NEBL: variants seen among roughly 807,000 people sequenced by gnomAD.
NEBL encodes the protein LIM and SH3 protein 2.
Under a neutral mutation model 140.2 loss-of-function variants are expected in NEBL, and 122 were observed. That is an observed-to-expected ratio of 0.87 (90% CI 0.75 to 1.01). The LOEUF (loss-of-function observed/expected upper bound fraction) is 1.01. Ranked by LOEUF, NEBL falls within the 50% of genes least tolerant of loss-of-function variation. NEBL has a pLI of 0.00. For missense variants in NEBL, 1,365 were observed against 1,231.3 expected (o/e 1.11, Z -1.62); for synonymous variants, 436 against 398.9 (o/e 1.09, Z -1.11).
intron 4 of NEBL, among the ~76,000 whole-genome samples, chr10:20,952,440 GAAAAAAAA>G (rs71390801): frequency 2.9e-5 from 3 of 101,740 alleles, no homozygotes; most frequent in Non-Finnish European, 5.6e-5. Context: ...CTGTCTGAAG[GAAAAAAAA>G]AAAAAAAAAA....
intron 5 of NEBL, among the ~76,000 whole-genome samples, chr10:20,876,339 G>A (rs1845501448): frequency 6.6e-6 from 1 of 151,856 alleles, no homozygotes; most frequent in Non-Finnish European, 1.5e-5. Context: ...TTGTGTAGAA[G>A]GCAGAATAAG....
chr10:21,093,309 G>A (rs576528346), intron 2 of NEBL, among the ~76,000 whole-genome samples: 54 of 152,072 alleles, frequency 3.6e-4, no homozygotes, highest in Admixed American at 2.0e-3. Context: ...AGCATTGGAC[G>A]CATTTTATCA....
At chr10:21,029,834 A>T in intron 2 of NEBL, 1 of 697,598 alleles carries the variant, frequency 1.4e-6, no homozygotes, top group Non-Finnish European at 2.6e-6. Flanking sequence ...AGGCAGTGGC[A>T]GAAGGGCATT....
At chr10:20,901,605 GCTTTT>G (rs985830200), upstream of NEBL, among the ~76,000 whole-genome samples, 4 of 151,578 alleles carry the variant, frequency 2.6e-5, no homozygotes, top group Non-Finnish European at 5.9e-5. Flanking sequence ...GAGATAAACT[GCTTTT>G]CTTTTAACTT....
intron 14 of NEBL, among the ~76,000 whole-genome samples, chr10:20,834,007 A>T (rs1376180615): frequency 6.6e-6 from 1 of 152,178 alleles, no homozygotes; most frequent in African/African-American, 2.4e-5. Flanking sequence ...GGGGAAAATT[A>T]GGGATTCTAG....
At chr10:20,949,083 A>C (rs897322566) in intron 4 of NEBL, among the ~76,000 whole-genome samples, 1 of 152,222 alleles carries the variant, frequency 6.6e-6, no homozygotes, top group Non-Finnish European at 1.5e-5. Context: ...GTCATGAAAA[A>C]TTTAAAATTC....
At chr10:21,077,055 G>A (rs1836130732) in intron 2 of NEBL, among the ~76,000 whole-genome samples, 1 of 152,082 alleles carries the variant, frequency 6.6e-6, no homozygotes, top group African/African-American at 2.4e-5. Context: ...TAACCTTTAT[G>A]TTACGTATAT....
chr10:21,161,896 G>C (rs1840574300), intron 2 of NEBL, among the ~76,000 whole-genome samples: 1 of 152,180 alleles, frequency 6.6e-6, no homozygotes, highest in Non-Finnish European at 1.5e-5. Context: ...GAATGTCTTT[G>C]TTATTCATGA....
intron 2 of NEBL, among the ~76,000 whole-genome samples, chr10:21,033,516 C>T (rs1183344338): frequency 2.0e-5 from 3 of 152,010 alleles, no homozygotes; most frequent in African/African-American, 7.2e-5. Context: ...AAATCTCTGT[C>T]ACTCTCAAAA....
chr10:21,046,333 T>C (rs959585131), intron 2 of NEBL, among the ~76,000 whole-genome samples: 3 of 152,330 alleles, frequency 2.0e-5, no homozygotes, highest in Admixed American at 6.5e-5. Flanking sequence ...TTAATAACAA[T>C]GTATTTTATA....
At chr10:20,818,981 GAATT>G in intron 20 of NEBL, 2 of 958,128 alleles carry the variant, frequency 2.1e-6, no homozygotes, top group Non-Finnish European at 2.5e-6. Context: ...TTTTACAAAA[GAATT>G]AATGCTGCAT....
chr10:20,842,721 C>T (rs942887438), intron 12 of NEBL, among the ~76,000 whole-genome samples: 1 of 151,950 alleles, frequency 6.6e-6, no homozygotes, highest in African/African-American at 2.4e-5. Flanking sequence ...CAAATATTTA[C>T]TTTTTCGTGG....
intron 22 of NEBL, among the ~76,000 whole-genome samples, 183 bp from the exon 23 acceptor site, chr10:20,814,226 A>C (rs1184228232): frequency 1.3e-5 from 2 of 152,080 alleles, no homozygotes; most frequent in Non-Finnish European, 2.9e-5. Context: ...GATCTCCTCC[A>C]CCGCCTACTG....
At chr10:21,075,034 G>C (rs1295192088) in intron 2 of NEBL, among the ~76,000 whole-genome samples, 1 of 151,708 alleles carries the variant, frequency 6.6e-6, no homozygotes, top group Non-Finnish European at 1.5e-5. Context: ...TCAAACTCCT[G>C]AGCTCAAGCG....
intron 2 of NEBL, among the ~76,000 whole-genome samples, chr10:21,126,419 G>A (rs149153705): frequency 2.0e-5 from 3 of 152,106 alleles, no homozygotes; most frequent in Admixed American, 2.0e-4. Flanking sequence ...AGAAACAAAA[G>A]CATTCCATAT....
chr10:20,967,570 G>A (rs942226005), intron 3 of NEBL, among the ~76,000 whole-genome samples: 1 of 152,062 alleles, frequency 6.6e-6, no homozygotes, highest in Non-Finnish European at 1.5e-5. Flanking sequence ...GGAGGTTGCA[G>A]TGAGCTGATA....
chr10:20,782,755 T>C lies in NEBL; in HGVS notation c.*2992A>G, dbSNP rs1177806073. ...ATAAATATTTCAAACTGGGCTACACTGCAAGTGTGTAAACAATAACAAGAA... is the reference window on the plus strand; with the variant it reads ...ATAAATATTTCAAACTGGGCTACACCGCAAGTGTGTAAACAATAACAAGAA... On this transcript the variant is annotated 3_prime_UTR_variant, in exon 28 of 28. Coordinates refer to ENST00000377122, the MANE Select transcript of NEBL (RefSeq NM_006393.3). 6.6e-6 allele frequency: 1 copy of C among 152,292 alleles called. No individual in the cohort carries two copies. The highest frequency in any genetic ancestry group is 6.6e-5 in the Admixed American group (1 of 15,266). 9.4% of individuals were successfully genotyped at this position (152,292 alleles called of 1,614,324 possible).
At chr10:21,021,712 T>C (rs1007485909) in intron 2 of NEBL, among the ~76,000 whole-genome samples, 1 of 152,218 alleles carries the variant, frequency 6.6e-6, no homozygotes. Flanking sequence ...CTAATGCTTA[T>C]CTTGCTCATG....
chr10:21,125,963 C>G (rs625223), intron 2 of NEBL: 588,291 of 1,613,822 alleles, frequency 0.36, 115,112 homozygotes, highest in East Asian at 0.7. Context: ...TTGCCTGGAT[C>G]TGGTTCAGGA....
Sources: gnomAD v4.1 joint callset for allele counts (sites outside exome capture counted in the v4.1 genomes callset) on GRCh38, gnomAD v4.1.1 for gene constraint, MANE v1.5 for transcripts, NCBI Gene and HGNC (gene_info 2026-07-23, HGNC 2026-07-21) for gene names.